Variants in AVEN observed in about 807,000 individuals in gnomAD.
The protein encoded by AVEN is apoptosis and caspase activation inhibitor.
In AVEN, 41 loss-of-function variants were observed where a neutral mutation model predicts 38.1. That is an observed-to-expected ratio of 1.08 (90% CI 0.84 to 1.40). The LOEUF is 1.40. Among genes scored for constraint, AVEN ranks in the 40% most tolerant of loss-of-function variants. The pLI is 0.00. For synonymous variants in AVEN, 206 were observed against 171.8 expected (o/e 1.20, Z -1.56); for missense variants, 605 against 438.8 (o/e 1.38, Z -3.38).
At chr15:33,990,252 C>A (rs1416554539) in intron 2 of AVEN, among the ~76,000 whole-genome samples, 2 of 149,432 alleles carry the variant, frequency 1.3e-5, no homozygotes, top group African/African-American at 5.0e-5. Flanking sequence ...CGTTGAGGTG[C>A]GTGCCTATAG....
chr15:34,011,656 G>A (rs1044474430), intron 1 of AVEN, among the ~76,000 whole-genome samples: 1 of 152,104 alleles, frequency 6.6e-6, no homozygotes, highest in African/African-American at 2.4e-5. Context: ...CCAAGAAAAT[G>A]GGAACTCAAC....
At chr15:34,057,317 T>G (rs1900194681) in intron 5 of AVEN, among the ~76,000 whole-genome samples, 1 of 150,944 alleles carries the variant, frequency 6.6e-6, no homozygotes, top group African/African-American at 2.5e-5. Flanking sequence ...TTTTTTTTTG[T>G]ATTTTTAGTA....
chr15:33,879,301 G>A (rs959656009), intron 2 of AVEN, among the ~76,000 whole-genome samples: 1 of 149,194 alleles, frequency 6.7e-6, no homozygotes, highest in Non-Finnish European at 1.5e-5. Context: ...CTATCGCAAG[G>A]ACAAAAAAAC....
chr15:34,047,454 A>T (rs550655515), intron 5 of AVEN, among the ~76,000 whole-genome samples: 2 of 152,306 alleles, frequency 1.3e-5, no homozygotes, highest in South Asian at 2.1e-4. Context: ...ACCCCTAGGA[A>T]GAGGGCTGAA....
rs1298086346 is a variant in AVEN, at chr15:34,062,532, G to A, written n.1637+390C>T. On this transcript the variant is annotated intron_variant and non_coding_transcript_variant, in intron 5 of 11. Coordinates refer to the AVEN transcript ENST00000675287. The stretch of plus-strand genomic sequence containing the variant: ...ATCGCACCACTGCACTCCAGCCTGG[G>A]TGACAAAGCGAGATTCTGTCTCAAA... The A allele has an allele frequency of 1.4e-5, 8 of 572,706 alleles. No homozygotes were observed. The African/African-American group carries it at 1.4e-4, about 10-fold the overall frequency. 35.5% of individuals were successfully genotyped at this position (572,706 alleles called of 1,614,324 possible).
intron 2 of AVEN, among the ~76,000 whole-genome samples, chr15:33,890,101 G>C (rs1348235884): frequency 2.0e-5 from 3 of 152,170 alleles, no homozygotes; most frequent in Non-Finnish European, 4.4e-5. Context: ...CTAGGTTTTT[G>C]TTCATTGATG....
At chr15:33,981,874 G>T (rs1050272112) in intron 2 of AVEN, among the ~76,000 whole-genome samples, 18 of 152,006 alleles carry the variant, frequency 1.2e-4, no homozygotes, top group African/African-American at 4.1e-4. Context: ...TCACTCTGTT[G>T]CCCAGGCTGG....
chr15:33,895,251 C>A (rs190473635), intron 2 of AVEN, among the ~76,000 whole-genome samples: 9 of 149,134 alleles, frequency 6.0e-5, no homozygotes, highest in Admixed American at 5.4e-4. Flanking sequence ...CACTGTTCTT[C>A]TGCAATGGTT....
At position 33,930,823 on chromosome 15, in the gene AVEN, C is replaced by T. The variant is rs555720926; in HGVS notation, c.446-54828G>A. ...ACAAAAAATTAACCGGGTGTGGTGG[C>T]GGGCACCTGTAGTCCCAGCTATTTG... On this transcript the variant is annotated intron_variant, in intron 2 of 5. Coordinates refer to ENST00000306730, the MANE Select transcript of AVEN (RefSeq NM_020371.3). 3.6e-3 allele frequency among the ~76,000 whole-genome samples: 553 copies of T among 151,984 alleles called. 2 individuals are homozygous for T. Among genetic ancestry groups the T allele is most frequent in the African/African-American group, 0.013 (534 of 41,460 alleles).
chr15:33,860,525 TC>T, intron 11 of AVEN: 1 of 892,390 alleles, frequency 1.1e-6, no homozygotes, highest in Non-Finnish European at 1.7e-6. Context: ...CAAAGTAGCT[TC>T]TTCCTTTATC....
At chr15:34,041,302 A>C (rs1299048251), upstream of AVEN, among the ~76,000 whole-genome samples, 1 of 152,222 alleles carries the variant, frequency 6.6e-6, no homozygotes, top group Non-Finnish European at 1.5e-5. Context: ...AGATTGGTGC[A>C]AAAGGTACGT....
At chr15:34,050,069 G>T (rs682052) in intron 5 of AVEN, among the ~76,000 whole-genome samples, 71,571 of 151,402 alleles carry the variant, frequency 0.47, 20,417 homozygotes, top group Non-Finnish European at 0.64. Flanking sequence ...TGTATTTTTA[G>T]TAGAGATGGG....
At chr15:33,868,778 C>T (rs555955704) in intron 4 of AVEN, among the ~76,000 whole-genome samples, 3 of 152,144 alleles carry the variant, frequency 2.0e-5, no homozygotes, top group East Asian at 1.9e-4. Flanking sequence ...GAGAGAGTGA[C>T]GTGGAGTGTG....
chr15:33,930,220 A>G (rs867681072), intron 2 of AVEN, among the ~76,000 whole-genome samples: 1 of 152,170 alleles, frequency 6.6e-6, no homozygotes, highest in African/African-American at 2.4e-5. Flanking sequence ...TCTAAGAGTG[A>G]GCAGAACCAT....
intron 2 of AVEN, among the ~76,000 whole-genome samples, chr15:33,984,067 T>C (rs8039609): frequency 0.29 from 44,497 of 151,874 alleles, 8,191 homozygotes; most frequent in African/African-American, 0.51. Flanking sequence ...AGAATAAATG[T>C]AATGTGGTAT....
chr15:34,064,041 C>G, intron 4 of AVEN: 1 of 1,614,158 alleles, frequency 6.2e-7, no homozygotes, highest in Non-Finnish European at 8.5e-7. Context: ...GAAAGCAGCC[C>G]AGACACTGAG....
downstream of AVEN, among the ~76,000 whole-genome samples, chr15:33,861,388 C>A (rs1405913741): frequency 3.3e-5 from 5 of 149,422 alleles, no homozygotes; most frequent in Non-Finnish European, 1.5e-5. Context: ...AAAAGGCCAG[C>A]CCCTCAACCT....
chr15:33,983,166 GTGTGTATA>G (rs1197371136), intron 2 of AVEN, among the ~76,000 whole-genome samples: 4 of 117,588 alleles, frequency 3.4e-5, no homozygotes. Context: ...GTGTATGTGT[GTGTGTATA>G]TATACACACG....
chr15:34,054,127 G>C (rs540583486), intron 5 of AVEN, among the ~76,000 whole-genome samples: 2 of 152,250 alleles, frequency 1.3e-5, no homozygotes, highest in African/African-American at 2.4e-5. Flanking sequence ...AACACAATGA[G>C]ATCCCATCTC....
Sources: gnomAD v4.1 joint callset for allele counts (sites outside exome capture counted in the v4.1 genomes callset) on GRCh38, gnomAD v4.1.1 for gene constraint, MANE v1.5 for transcripts, NCBI Gene and HGNC (gene_info 2026-07-23, HGNC 2026-07-21) for gene names.